Variants in CLPTM1 observed in about 807,000 individuals in gnomAD.
CLPTM1 encodes putative lipid scramblase CLPTM1.
CLPTM1 carries 21 observed loss-of-function variants against 77.3 expected under a neutral mutation model. The ratio of observed to expected loss-of-function variants is 0.27; its 90% CI spans 0.19 to 0.39. The LOEUF (loss-of-function observed/expected upper bound fraction) is 0.39, where lower values mean the gene tolerates loss of function less well. Ranked by LOEUF, CLPTM1 falls within the 10% of genes least tolerant of loss-of-function variation. The probability of loss-of-function intolerance (pLI) is 1.00; values close to 1 mark genes in which losing one functional copy is unlikely to be tolerated. For missense variants in CLPTM1, 642 were observed against 921.2 expected (o/e 0.70, Z 3.92); for synonymous variants, 373 against 381.0 (o/e 0.98, Z 0.24).
chr19:44,956,019 A>G (rs1749249349), intron 1 of CLPTM1, among the ~76,000 whole-genome samples: 2 of 152,324 alleles, frequency 1.3e-5, no homozygotes, highest in East Asian at 3.9e-4. Flanking sequence ...CACTGCTGAC[A>G]CAGGGACTGG....
intron 2 of CLPTM1, among the ~76,000 whole-genome samples, chr19:44,972,218 C>T (rs1019741287): frequency 6.6e-6 from 1 of 150,466 alleles, no homozygotes; most frequent in Non-Finnish European, 1.5e-5. Flanking sequence ...ACTAGAGTTG[C>T]CGTGTTTTGC....
At position 44,977,842 on chromosome 19, in the gene CLPTM1, G is replaced by A. The variant is rs149469219; in HGVS notation, c.586+382G>A. Among the ~76,000 whole-genome samples, 754 of 152,276 alleles carry A rather than the reference G, an allele frequency of 5.0e-3. 8 individuals carry two copies. Among genetic ancestry groups the A allele is most frequent in the African/African-American group, 0.017 (722 of 41,554 alleles). Reference sequence around the variant, plus strand: ...CTCAAAAATAATTTGTGGGCTGGGTGCAGTGGTTCATGCCTGTAATCCTAG... The same window carrying A: ...CTCAAAAATAATTTGTGGGCTGGGTACAGTGGTTCATGCCTGTAATCCTAG... On this transcript the variant is annotated intron_variant, in intron 5 of 13. Transcript: ENST00000337392.
At position 44,969,575 on chromosome 19, in the gene CLPTM1, C is replaced by T. The variant is rs568144544; in HGVS notation, c.186-3512C>T. 5.3e-5 allele frequency among the ~76,000 whole-genome samples: 8 copies of T among 152,262 alleles called. No individual in the cohort carries two copies. In the East Asian group the frequency reaches 1.3e-3, roughly 26 times the overall value. On this transcript the variant is annotated intron_variant, in intron 2 of 13. Transcript: ENST00000337392. ...TGTTGTGCCATTGCTAGGTTTTTCC[C>T]TTTATCCTCATAGCCCAAGACAGCT...
At chr19:44,981,993 A>G (rs1813572279) in intron 5 of CLPTM1, among the ~76,000 whole-genome samples, 1 of 152,134 alleles carries the variant, frequency 6.6e-6, no homozygotes, top group African/African-American at 2.4e-5. Flanking sequence ...GTTTCAACAT[A>G]TGATCAGTAT....
rs373269795 is a variant in CLPTM1 at position 44,990,612 on chromosome 19, G to T, written c.1323+27G>T. The stretch of plus-strand genomic sequence containing the variant: ...TAAGGCTGGGGCGCCATGCTGTCTC[G>T]GGAGCTGCAGGGGTTGGGAGGGGGT... On this transcript the variant is annotated intron_variant, in intron 10 of 13. Coordinates refer to ENST00000337392, the MANE Select transcript of CLPTM1 (RefSeq NM_001294.4). The surrounding 1 kb of genome is among the most constrained non-coding windows in gnomAD (Gnocchi z 4.8). 1 of 1,608,140 alleles carries T rather than the reference G, an allele frequency of 6.2e-7. No individual in the cohort carries two copies. The highest frequency in any genetic ancestry group is 1.3e-5 in the African/African-American group (1 of 74,764).
chr19:44,965,186 T>C lies in CLPTM1; in HGVS notation c.185+3111T>C, dbSNP rs113589619. Among the ~76,000 whole-genome samples the C allele has an allele frequency of 5.8e-3, 876 of 152,254 alleles. 8 individuals are homozygous for C. The highest frequency in any genetic ancestry group is 0.02 in the African/African-American group (820 of 41,548). ...TTCCCTACTTATGAGATAGAAGGAA[T>C]TGCACAGCAGAGATGTTTACAACAA... On this transcript the variant is annotated intron_variant, in intron 2 of 13. Coordinates refer to ENST00000337392, the MANE Select transcript of CLPTM1 (RefSeq NM_001294.4).
chr19:44,959,776 T>TC (rs1970516712), intron 1 of CLPTM1, among the ~76,000 whole-genome samples: 1 of 152,156 alleles, frequency 6.6e-6, no homozygotes, highest in African/African-American at 2.4e-5. Flanking sequence ...ACTTTTACTT[T>TC]CCCCCCTAGC....
intron 5 of CLPTM1, among the ~76,000 whole-genome samples, chr19:44,979,393 C>A (rs1048586060): frequency 3.9e-5 from 6 of 152,082 alleles, no homozygotes; most frequent in Non-Finnish European, 4.4e-5. Context: ...CCTCAGAAAG[C>A]CCCCCATTCT....
At chr19:44,961,704 A>G (rs1341716773) in intron 1 of CLPTM1, among the ~76,000 whole-genome samples, 1 of 151,800 alleles carries the variant, frequency 6.6e-6, no homozygotes, top group Non-Finnish European at 1.5e-5. Flanking sequence ...TTTCTCCCCC[A>G]CCGGGCTGTT....
chr19:44,962,149 G>C, intron 2 of CLPTM1, 74 bp downstream of exon 2: 19 of 890,100 alleles, frequency 2.1e-5, no homozygotes, highest in Non-Finnish European at 3.3e-5. Context: ...AAAGTCAGCT[G>C]ATCAGCTGAG....
intron 3 of CLPTM1, 102 bp downstream of exon 3, chr19:44,973,312 C>G: frequency 6.6e-7 from 1 of 1,509,184 alleles, no homozygotes; most frequent in Non-Finnish European, 9.0e-7. Flanking sequence ...GGTCCTTGCT[C>G]ACTGGCAGGT....
At position 44,992,419 on chromosome 19, in the gene CLPTM1, G is replaced by A. The variant is rs1161803865; in HGVS notation, c.1723+19G>A. On this transcript the variant is annotated intron_variant, in intron 13 of 13. Transcript: ENST00000337392. This position sits in a 1 kb window ranked among gnomAD's most constrained non-coding sequence, Gnocchi z 7.7. ...CGGGACGGTGAGGCCCGGTGGGCAG[G>A]TGGGAGCTCCCACCGGAACAGGGCC... is the stretch of plus-strand genomic sequence containing the variant. The A allele has an allele frequency of 6.2e-7, 1 of 1,613,832 alleles. No individual in the cohort carries two copies. Among genetic ancestry groups the A allele is most frequent in the African/African-American group, 1.3e-5 (1 of 74,926 alleles).
chr19:44,964,111 G>C (rs1046260837), intron 2 of CLPTM1, among the ~76,000 whole-genome samples: 3 of 151,662 alleles, frequency 2.0e-5, no homozygotes, highest in Admixed American at 1.3e-4. Flanking sequence ...TCACACCACT[G>C]TACTCCAGTC....
intron 4 of CLPTM1, among the ~76,000 whole-genome samples, chr19:44,976,091 G>A (rs1970802070): frequency 6.6e-6 from 1 of 152,168 alleles, no homozygotes; most frequent in Non-Finnish European, 1.5e-5. Flanking sequence ...CTCTGCTCAA[G>A]CGATCCTCTC....
intron 8 of CLPTM1, chr19:44,987,712 C>T (rs921043455): frequency 1.8e-6 from 1 of 549,256 alleles, no homozygotes; most frequent in Non-Finnish European, 3.3e-6. Context: ...CTGGCTCCAA[C>T]TCTGTGTCTC....
At chr19:44,954,776 T>C, upstream of CLPTM1, 3 of 1,346,790 alleles carry the variant, frequency 2.2e-6, no homozygotes, top group Middle Eastern at 2.8e-4. Flanking sequence ...TCATAGGGTC[T>C]CATCGGAGGT....
chr19:44,959,363 G>C (rs1197233722), intron 1 of CLPTM1, among the ~76,000 whole-genome samples: 1 of 151,148 alleles, frequency 6.6e-6, no homozygotes, highest in East Asian at 2.0e-4. Flanking sequence ...CCTGGCCACT[G>C]TTTGTTTTTG....
At chr19:44,955,068 G>T (rs28372750), upstream of CLPTM1, 45 of 1,535,720 alleles carry the variant, frequency 2.9e-5, no homozygotes, top group East Asian at 1.1e-3. Context: ...GTCCCGAAAG[G>T]CTCATATAAC....
In CLPTM1 at chr19:44,963,847, A is replaced by G. The variant is rs556056332; in HGVS notation, c.185+1772A>G. Among the ~76,000 whole-genome samples, 469 of 146,292 alleles carry G rather than the reference A, an allele frequency of 3.2e-3. 3 individuals are homozygous for G. The highest frequency in any genetic ancestry group is 0.01 in the African/African-American group (407 of 39,094). On this transcript the variant is annotated intron_variant, in intron 2 of 13. Coordinates refer to ENST00000337392, the MANE Select transcript of CLPTM1 (RefSeq NM_001294.4). ...TGGTCAGGCTGGTCTCGAACTCCCA[A>G]CCTCAGGCAATCTGCCCGCCTTGGC...
Sources: gnomAD v4.1 joint callset for allele counts (sites outside exome capture counted in the v4.1 genomes callset) on GRCh38, gnomAD v4.1.1 for gene constraint, Gnocchi (gnomAD v3.1) non-coding constraint, MANE v1.5 for transcripts, NCBI Gene and HGNC (gene_info 2026-07-23, HGNC 2026-07-21) for gene names.